The following PPFIBP1 variants were observed in gnomAD, a reference collection of about 807,000 sequenced individuals.
The protein encoded by PPFIBP1 is PPFIB scaffold protein 1, also known as liprin-beta-1.
Under a neutral mutation model 137.8 loss-of-function variants are expected in PPFIBP1, and 112 were observed. The observed-to-expected ratio is 0.81, with a 90% CI of 0.70 to 0.95. The LOEUF is 0.95. Among genes scored for constraint, PPFIBP1 ranks in the 40% least tolerant of loss-of-function variants. PPFIBP1 has a pLI of 0.00. For synonymous variants in PPFIBP1, 378 were observed against 417.3 expected (o/e 0.91, Z 1.15); for missense variants, 1,083 against 1,196.6 (o/e 0.91, Z 1.40).
At chr12:27,664,299 A>G (rs1159721966) in intron 11 of PPFIBP1, 63 bp from the exon 12 acceptor site, 4 of 1,059,098 alleles carry the variant, frequency 3.8e-6, no homozygotes, top group South Asian at 1.4e-5. Flanking sequence ...GCAATTCTTT[A>G]TGGAATTACT....
At chr12:27,613,881 TC>T (rs1440699728) in intron 2 of PPFIBP1, among the ~76,000 whole-genome samples, 2 of 151,916 alleles carry the variant, frequency 1.3e-5, no homozygotes, top group East Asian at 3.9e-4. Flanking sequence ...ATCAAATAGC[TC>T]CCATTTCCAT....
At chr12:27,648,327 T>C (rs2058670708) in intron 6 of PPFIBP1, among the ~76,000 whole-genome samples, 1 of 152,146 alleles carries the variant, frequency 6.6e-6, no homozygotes, top group South Asian at 2.1e-4. Flanking sequence ...AAAATGGCTT[T>C]TATCCAAAAG....
At chr12:27,593,869 G>C (rs1475838906) in intron 2 of PPFIBP1, 15 of 1,450,308 alleles carry the variant, frequency 1.0e-5, no homozygotes, top group Non-Finnish European at 1.4e-5. Context: ...ATGCCCCTTG[G>C]ATGGGAGGGA....
At chr12:27,559,423 T>A (rs1276370530) in intron 1 of PPFIBP1, among the ~76,000 whole-genome samples, 1 of 152,152 alleles carries the variant, frequency 6.6e-6, no homozygotes, top group Non-Finnish European at 1.5e-5. Flanking sequence ...CACCTCGGCC[T>A]CCCAAAGTGC....
At chr12:27,595,282 G>A (rs1376192393) in intron 2 of PPFIBP1, among the ~76,000 whole-genome samples, 2 of 152,202 alleles carry the variant, frequency 1.3e-5, no homozygotes, top group African/African-American at 4.8e-5. Flanking sequence ...ACATGCGTGT[G>A]CTCACACACA....
intron 2 of PPFIBP1, among the ~76,000 whole-genome samples, chr12:27,630,728 T>G (rs1368045967): frequency 6.6e-6 from 1 of 152,190 alleles, no homozygotes; most frequent in Non-Finnish European, 1.5e-5. Context: ...GTCACCTGAA[T>G]AGTGTACATT....
chr12:27,652,355 C>T (rs1277807500), intron 7 of PPFIBP1, among the ~76,000 whole-genome samples: 1 of 152,112 alleles, frequency 6.6e-6, no homozygotes, highest in East Asian at 1.9e-4. Context: ...ACAGTGCCCC[C>T]TTGTGGTAAG....
intron 4 of PPFIBP1, among the ~76,000 whole-genome samples, chr12:27,637,631 C>T (rs1341373128): frequency 1.3e-5 from 2 of 151,966 alleles, no homozygotes; most frequent in East Asian, 3.9e-4. Context: ...CTCAAGCACA[C>T]AGAGAATGAC....
intron 13 of PPFIBP1, among the ~76,000 whole-genome samples, chr12:27,669,530 C>A (rs2060053173): frequency 6.6e-6 from 1 of 152,000 alleles, no homozygotes; most frequent in African/African-American, 2.4e-5. Flanking sequence ...AAAGAAAAGC[C>A]AGGAGGGAGA....
intron 3 of PPFIBP1, 25 bp from the exon 4 acceptor site, chr12:27,634,885 C>G: frequency 1.9e-6 from 3 of 1,592,416 alleles, no homozygotes; most frequent in South Asian, 2.2e-5. Context: ...TCCCATTGCT[C>G]TCTCTGTGAT....
intron 23 of PPFIBP1, 48 bp downstream of exon 23, chr12:27,682,546 G>A: frequency 2.5e-6 from 4 of 1,604,474 alleles, no homozygotes; most frequent in Non-Finnish European, 3.4e-6. Context: ...ATACATAGTT[G>A]CTTTTTCTTT....
chr12:27,578,021 C>T (rs989528705), intron 1 of PPFIBP1, 131 bp from the exon 2 acceptor site: 7 of 152,002 alleles, frequency 4.6e-5, no homozygotes, highest in Non-Finnish European at 8.8e-5. Flanking sequence ...GTCCTTAACA[C>T]GTTTTGTTGT....
chr12:27,529,410 C>A (rs1407526612), intron 1 of PPFIBP1, among the ~76,000 whole-genome samples: 1 of 152,094 alleles, frequency 6.6e-6, no homozygotes, highest in Admixed American at 6.5e-5. Flanking sequence ...AAGAAGTGGC[C>A]AGGCTGGACG....
At chr12:27,657,300 T>C (rs1339774011) in intron 9 of PPFIBP1, among the ~76,000 whole-genome samples, 1 of 152,122 alleles carries the variant, frequency 6.6e-6, no homozygotes, top group African/African-American at 2.4e-5. Flanking sequence ...GAGTATTATA[T>C]GGACCATAAT....
At chr12:27,542,070 G>A (rs1329514779) in intron 1 of PPFIBP1, among the ~76,000 whole-genome samples, 1 of 152,122 alleles carries the variant, frequency 6.6e-6, no homozygotes, top group Non-Finnish European at 1.5e-5. Flanking sequence ...ATAACAATGT[G>A]TACCTTGTAG....
At chr12:27,533,511 G>A (rs1406098249) in intron 1 of PPFIBP1, among the ~76,000 whole-genome samples, 1 of 152,204 alleles carries the variant, frequency 6.6e-6, no homozygotes, top group African/African-American at 2.4e-5. Context: ...TCAGGCAGGT[G>A]CAGCTCCAGG....
At chr12:27,622,592 G>A (rs1264872039) in intron 2 of PPFIBP1, among the ~76,000 whole-genome samples, 1 of 152,166 alleles carries the variant, frequency 6.6e-6, no homozygotes, top group East Asian at 1.9e-4. Context: ...TGCATTCGTA[G>A]GCTGTAAAAC....
intron 13 of PPFIBP1, among the ~76,000 whole-genome samples, chr12:27,669,920 G>A (rs1384062372): frequency 4.6e-5 from 7 of 152,170 alleles, no homozygotes; most frequent in Admixed American, 1.3e-4. Flanking sequence ...GATGGTTGGA[G>A]CTCAAGGGTT....
At chr12:27,624,339 A>T (rs1176451513) in intron 2 of PPFIBP1, among the ~76,000 whole-genome samples, 4 of 152,258 alleles carry the variant, frequency 2.6e-5, no homozygotes, top group Non-Finnish European at 5.9e-5. Flanking sequence ...AGCTAGTAAG[A>T]GTAGATATGG....
Sources: allele counts gnomAD v4.1 joint callset (sites outside exome capture counted in the v4.1 genomes callset), GRCh38; gene constraint gnomAD v4.1.1; transcripts MANE v1.5; gene names NCBI Gene and HGNC (gene_info 2026-07-23, HGNC 2026-07-21).